Variants in CAMSAP2 observed in about 807,000 individuals in gnomAD.
CAMSAP2 encodes calmodulin-regulated spectrin-associated protein 2.
A neutral mutation model predicts 146.1 loss-of-function variants in CAMSAP2; 26 were observed. The ratio of observed to expected loss-of-function variants is 0.18; its 90% confidence interval spans 0.13 to 0.25. CAMSAP2 has a LOEUF of 0.25. Ranked by LOEUF, CAMSAP2 falls within the 10% of genes least tolerant of loss-of-function variation. The pLI, the probability that CAMSAP2 is intolerant of heterozygous loss-of-function variation, is 1.00. For missense variants in CAMSAP2, 1,381 were observed against 1,759.3 expected, an observed-to-expected ratio of 0.78 and a Z score of 3.85; for synonymous variants, 499 against 596.6, an observed-to-expected ratio of 0.84 and a Z score of 2.38.
intron 2 of CAMSAP2, among the ~76,000 whole-genome samples, chr1:200,761,749 A>G (rs1664809181): frequency 6.6e-6 from 1 of 152,066 alleles, no homozygotes; most frequent in African/African-American, 2.4e-5. Context: ...AAAAAAAAAA[A>G]AAGCTCATTT....
chr1:200,747,533 A>G (rs1571710449), intron 1 of CAMSAP2, among the ~76,000 whole-genome samples: 1 of 151,208 alleles, frequency 6.6e-6, no homozygotes, highest in East Asian at 1.9e-4. Flanking sequence ...TTGTAGTAAC[A>G]AAAAGTCCAC....
At chr1:200,843,229 C>T (rs895691758) in intron 7 of CAMSAP2, among the ~76,000 whole-genome samples, 11 of 151,940 alleles carry the variant, frequency 7.2e-5, no homozygotes, top group Non-Finnish European at 1.5e-4. Context: ...CCCCGCTAAA[C>T]CCCCAAAAAA....
intron 4 of CAMSAP2, among the ~76,000 whole-genome samples, chr1:200,818,256 G>GA (rs1666659752): frequency 6.6e-6 from 1 of 151,840 alleles, no homozygotes; most frequent in Non-Finnish European, 1.5e-5. Flanking sequence ...TTTTTTTAAT[G>GA]AAAAAAATGC....
At chr1:200,784,309 A>G (rs973620258) in intron 2 of CAMSAP2, among the ~76,000 whole-genome samples, 3 of 152,088 alleles carry the variant, frequency 2.0e-5, no homozygotes, top group South Asian at 2.1e-4. Flanking sequence ...GTCAATTTCT[A>G]TTAAAAAAAA....
chr1:200,860,416 A>G lies in CAMSAP2; in HGVS notation c.*2357A>G, dbSNP rs1558215499. ...CCAGTGCAGCCTGTCAAATTCTGCT[A>G]TTTGACACAGCTTTGGAAAGATTTA... On this transcript the variant is annotated 3_prime_UTR_variant, in exon 17 of 17. Transcript: ENST00000358823. The G allele has an allele frequency of 6.5e-6, 1 of 152,726 alleles. No homozygotes were observed. The highest frequency in any genetic ancestry group is 1.5e-5 in the Non-Finnish European group (1 of 68,004). 9.5% of individuals were successfully genotyped at this position (152,726 alleles called of 1,614,324 possible).
chr1:200,771,835 G>A lies in CAMSAP2; in HGVS notation c.399+10737G>A, dbSNP rs117604197. 4.6e-5 allele frequency among the ~76,000 whole-genome samples: 7 copies of A among 152,260 alleles called. No homozygotes were observed. In the East Asian group the frequency reaches 7.7e-4, roughly 17 times the overall value. ...TGTGAGCTCCTGCTGCTGAAATACCGGTGCTGCTCAATTTCCATGCTTTCT... is the reference window on the plus strand; with the variant it reads ...TGTGAGCTCCTGCTGCTGAAATACCAGTGCTGCTCAATTTCCATGCTTTCT... On this transcript the variant is annotated intron_variant, in intron 2 of 16. Transcript: ENST00000358823.
intron 2 of CAMSAP2, among the ~76,000 whole-genome samples, chr1:200,807,106 T>C (rs1243768692): frequency 6.6e-6 from 1 of 152,062 alleles, no homozygotes; most frequent in African/African-American, 2.4e-5. Context: ...CATGACATTA[T>C]AAAAAATAGG....
At chr1:200,784,438 T>A (rs1665529306) in intron 2 of CAMSAP2, among the ~76,000 whole-genome samples, 1 of 152,198 alleles carries the variant, frequency 6.6e-6, no homozygotes, top group South Asian at 2.1e-4. Flanking sequence ...ATTTAAGTAT[T>A]CTTTAATTTA....
chr1:200,787,123 C>G (rs1416037327), intron 2 of CAMSAP2, among the ~76,000 whole-genome samples: 1 of 152,126 alleles, frequency 6.6e-6, no homozygotes, highest in Non-Finnish European at 1.5e-5. Context: ...GTTTTCATGC[C>G]TGCTAACACA....
chr1:200,809,848 G>A (rs1029869519), intron 3 of CAMSAP2, among the ~76,000 whole-genome samples: 1 of 152,200 alleles, frequency 6.6e-6, no homozygotes, highest in Admixed American at 6.5e-5. Context: ...GAGGCCACTG[G>A]TGAGAGCTTC....
At chr1:200,751,952 G>A (rs1386226273) in intron 1 of CAMSAP2, among the ~76,000 whole-genome samples, 2 of 152,194 alleles carry the variant, frequency 1.3e-5, no homozygotes. Flanking sequence ...GTTTACTGAC[G>A]TGGAAGCACT....
chr1:200,847,991 CTAGGATTTTTA>C (rs1558207480), intron 10 of CAMSAP2, 30 bp from the exon 11 acceptor site: 1 of 1,290,446 alleles, frequency 7.7e-7, no homozygotes, highest in South Asian at 1.6e-5. Context: ...AAAATCATTT[CTAGGATTTTTA>C]AAGGATTTTT....
intron 4 of CAMSAP2, among the ~76,000 whole-genome samples, chr1:200,817,165 C>CATATGT (rs375085196): frequency 1.5e-5 from 1 of 68,044 alleles, no homozygotes; most frequent in Non-Finnish European, 2.6e-5. Flanking sequence ...CATACACACA[C>CATATGT]GTGTGTGTAT....
chr1:200,782,243 G>A (rs1018048995), intron 2 of CAMSAP2, among the ~76,000 whole-genome samples: 10 of 152,146 alleles, frequency 6.6e-5, no homozygotes, highest in African/African-American at 2.4e-4. Context: ...TTTAACAGAT[G>A]AAGAAGATGA....
intron 2 of CAMSAP2, among the ~76,000 whole-genome samples, chr1:200,787,090 T>C (rs1665616012): frequency 6.6e-6 from 1 of 152,032 alleles, no homozygotes; most frequent in African/African-American, 2.4e-5. Flanking sequence ...AGAGCTGTGA[T>C]GGAGAGGGAC....
chr1:200,841,569 A>G (rs979050233), intron 6 of CAMSAP2, among the ~76,000 whole-genome samples: 9 of 152,186 alleles, frequency 5.9e-5, no homozygotes, highest in African/African-American at 2.2e-4. Context: ...TTTTAACACT[A>G]CATCCAGTTA....
intron 11 of CAMSAP2, 150 bp from the exon 12 acceptor site, chr1:200,852,391 A>G (rs1667644019): frequency 2.6e-6 from 2 of 776,512 alleles, no homozygotes; most frequent in East Asian, 2.8e-5. Flanking sequence ...TTCTTCCTTC[A>G]TAATTTCTCA....
chr1:200,816,606 ATATATAT>A (rs1305079615), intron 4 of CAMSAP2, among the ~76,000 whole-genome samples: 1 of 94,290 alleles, frequency 1.1e-5, no homozygotes, highest in African/African-American at 3.8e-5. Flanking sequence ...AAAAAAAAAA[ATATATAT>A]ATATATATAT....
rs775591176 is a variant in CAMSAP2, at chr1:200,751,406, G to A, written c.140-9433G>A. Among the ~76,000 whole-genome samples, 93 of 151,584 alleles carry A rather than the reference G, an allele frequency of 6.1e-4. 1 individual carries two copies. Among genetic ancestry groups the A allele is most frequent in the Non-Finnish European group, 1.2e-3 (80 of 67,858 alleles). ...GAAATTTTAGCTGGGTGTGGTGGTG[G>A]GCACCTGTGATCCTGGCTACTTGGG... On this transcript the variant is annotated intron_variant, in intron 1 of 16. Transcript: ENST00000358823.
Sources: allele counts gnomAD v4.1 joint callset (sites outside exome capture counted in the v4.1 genomes callset), GRCh38; gene constraint gnomAD v4.1.1; transcripts MANE v1.5; gene names NCBI Gene and HGNC (gene_info 2026-07-23, HGNC 2026-07-21).